The following TAF8 variants were observed in gnomAD, a reference collection of about 807,000 sequenced individuals.
The protein encoded by TAF8 is TATA-box binding protein associated factor 8.
Under a neutral mutation model 36.5 loss-of-function variants are expected in TAF8, and 47 were observed. The ratio of observed to expected loss-of-function variants is 1.29; its 90% CI spans 1.02 to 1.64. The LOEUF (loss-of-function observed/expected upper bound fraction) is 1.64. Among genes scored for constraint, TAF8 ranks in the 40% most tolerant of loss-of-function variants. TAF8 has a pLI of 0.00. For missense variants in TAF8, 420 were observed against 407.6 expected (o/e 1.03, Z -0.26); for synonymous variants, 175 against 159.5 (o/e 1.10, Z -0.73).
At chr6:42,066,848 C>T (rs1765383776) in intron 6 of TAF8, among the ~76,000 whole-genome samples, 1 of 152,172 alleles carries the variant, frequency 6.6e-6, no homozygotes, top group Non-Finnish European at 1.5e-5. Flanking sequence ...GCCATGTTGA[C>T]CAAGCTACTT....
chr6:42,054,238 C>T (rs186059689), intron 2 of TAF8, among the ~76,000 whole-genome samples: 5 of 152,252 alleles, frequency 3.3e-5, no homozygotes, highest in African/African-American at 7.2e-5. Context: ...AAGACTTTAA[C>T]GTGACTCTTA....
chr6:42,077,441 G>T, intron 8 of TAF8, 92 bp from the exon 9 acceptor site: 1 of 1,577,284 alleles, frequency 6.3e-7, no homozygotes, highest in East Asian at 2.3e-5. Flanking sequence ...GCAGTCTAGG[G>T]ACCAACCCTC....
At chr6:42,060,466 A>G (rs1051499608) in intron 5 of TAF8, among the ~76,000 whole-genome samples, 3 of 152,202 alleles carry the variant, frequency 2.0e-5, no homozygotes, top group African/African-American at 7.2e-5. Flanking sequence ...TCCATGAAGA[A>G]TCTCAGATAA....
At position 42,082,829 on chromosome 6, in the gene TAF8, A is replaced by G. The variant is rs1306010774; in HGVS notation, c.*5284A>G. 2 of 152,104 alleles carry G rather than the reference A, an allele frequency of 1.3e-5. No individual in the cohort carries two copies. The highest frequency in any genetic ancestry group is 4.8e-5 in the African/African-American group (2 of 41,414). 9.4% of individuals were successfully genotyped at this position (152,104 alleles called of 1,614,324 possible). On this transcript the variant is annotated 3_prime_UTR_variant, in exon 9 of 9. Coordinates refer to ENST00000372977, the MANE Select transcript of TAF8 (RefSeq NM_138572.3). ...AAAGTTCTTAATTCTGCGAACATCA[A>G]CTTCCTGTGCCCAGGTGCAAGTGCG...
rs1471468901 is a variant in TAF8, at chr6:42,052,316, A to AGC, written c.202+804_202+805dup. Among the ~76,000 whole-genome samples the AGC allele has an allele frequency of 1.4e-3, 188 of 129,948 alleles. 1 individual carries two copies. Among genetic ancestry groups the AGC allele is most frequent in the African/African-American group, 5.1e-3 (148 of 29,230 alleles). The allele number at this position is 129,948 out of a possible 152,430, so 85.3% of individuals were successfully genotyped here. A position where few individuals can be genotyped will look rare whatever the true frequency, so the allele number is the denominator to read the frequency against. On this transcript the variant is annotated intron_variant, in intron 2 of 8. Coordinates refer to ENST00000372977, the MANE Select transcript of TAF8 (RefSeq NM_138572.3). ...TGTGATACAAAGAATGAAGGGGAAA[A>AGC]GCCCCCCCCCCCTTTTTTTTTTTGA...
At chr6:42,087,058 G>A (rs1337201592), downstream of TAF8, 2 of 456,738 alleles carry the variant, frequency 4.4e-6, no homozygotes, top group African/African-American at 3.9e-5. Flanking sequence ...AGTGCACCAT[G>A]TCTTGTGGCC....
At position 42,075,074 on chromosome 6, in the gene TAF8, T is replaced by C. The variant is rs550248924; in HGVS notation, c.781-2026T>C. ...ACCTCCATGTGTATCTCAGAAAACA[T>C]TGAAGGCACGGTTGAAGTGAGCTTC... On this transcript the variant is annotated intron_variant, in intron 7 of 8. Transcript: ENST00000372977. Among the ~76,000 whole-genome samples, 624 of 152,270 alleles carry C rather than the reference T, an allele frequency of 4.1e-3. 6 individuals carry two copies. Among genetic ancestry groups the C allele is most frequent in the African/African-American group, 0.013 (559 of 41,552 alleles).
chr6:42,086,578 A>G, downstream of TAF8: 2 of 844,996 alleles, frequency 2.4e-6, no homozygotes, highest in Non-Finnish European at 3.9e-6. Context: ...GGAGAAACAA[A>G]CCTTTTAAAT....
intron 2 of TAF8, among the ~76,000 whole-genome samples, chr6:42,055,089 A>G (rs1295370288): frequency 6.6e-6 from 1 of 151,734 alleles, no homozygotes; most frequent in Non-Finnish European, 1.5e-5. Context: ...AGGCCTGGCT[A>G]ATTTTTGTAT....
At chr6:42,086,955 G>A, downstream of TAF8, 1 of 619,686 alleles carries the variant, frequency 1.6e-6, no homozygotes, top group Non-Finnish European at 2.9e-6. Flanking sequence ...CAACCCAGAG[G>A]ATGTAGACCC....
At chr6:42,074,170 C>G (rs879311168) in intron 7 of TAF8, among the ~76,000 whole-genome samples, 2 of 152,044 alleles carry the variant, frequency 1.3e-5, no homozygotes, top group Admixed American at 6.6e-5. Flanking sequence ...GTTTGTGACT[C>G]GAGCCATTAG....
Position 42,051,403 on chromosome 6 carries a change from T to G in TAF8, c.92T>G (p.Leu31Arg), listed in dbSNP as rs915130570. ...ACTAACCCTGCCGATAACTATCATC[T>G]GGCCCGGAGGAGAACCCTGCAGGTG... ...QSTNPADNYH[L>R]ARRRTLQVVV... is the part of the protein sequence containing the mutation. Residue 31 changes from leucine (L) to arginine (R), a missense_variant, in exon 2 of 9, where the codon CTG becomes CGG. Coordinates refer to ENST00000372977, the MANE Select transcript of TAF8 (RefSeq NM_138572.3). 1 of 1,614,052 alleles carries G rather than the reference T, an allele frequency of 6.2e-7. No homozygotes were observed. Among genetic ancestry groups the G allele is most frequent in the African/African-American group, 1.3e-5 (1 of 74,932 alleles).
downstream of TAF8, among the ~76,000 whole-genome samples, chr6:42,085,125 TA>T (rs1200345705): frequency 6.6e-6 from 1 of 152,218 alleles, no homozygotes; most frequent in Non-Finnish European, 1.5e-5. Context: ...CCTTTTTTTA[TA>T]CATGAATGGT....
chr6:42,072,405 CCT>C (rs1462571048), intron 7 of TAF8, among the ~76,000 whole-genome samples: 1 of 151,086 alleles, frequency 6.6e-6, no homozygotes, highest in Non-Finnish European at 1.5e-5. Context: ...CATCCTGTTC[CCT>C]GTTACCCACT....
intron 7 of TAF8, among the ~76,000 whole-genome samples, chr6:42,071,684 A>T (rs1765582956): frequency 6.6e-6 from 1 of 151,126 alleles, no homozygotes; most frequent in African/African-American, 2.4e-5. Context: ...GGGCTGGGAG[A>T]CCATGGCTTT....
chr6:42,056,017 A>C lies in TAF8; in HGVS notation c.364+3A>C, dbSNP rs778345888. On this transcript the variant is annotated splice_donor_region_variant and intron_variant, in intron 4 of 8. Coordinates refer to ENST00000372977, the MANE Select transcript of TAF8 (RefSeq NM_138572.3). Reference sequence around the variant, plus strand: ...TCAGAGGATGGTCATCACTGCTCGTAAGTGACTTTGAACTGAGGTACTTAG... The same window carrying C: ...TCAGAGGATGGTCATCACTGCTCGTCAGTGACTTTGAACTGAGGTACTTAG... 1.2e-6 allele frequency: 2 copies of C among 1,603,342 alleles called. No individual in the cohort carries two copies. Among genetic ancestry groups the C allele is most frequent in the African/African-American group, 2.7e-5 (2 of 74,714 alleles).
chr6:42,050,779 C>T lies in TAF8; in HGVS notation c.45+193C>T, dbSNP rs1323795647. On this transcript the variant is annotated intron_variant, in intron 1 of 8. Coordinates refer to ENST00000372977, the MANE Select transcript of TAF8 (RefSeq NM_138572.3). ...GCCTCCGGAGTTGGCGGACCTGTGT[C>T]TTGATTGGCTCGTTCGCTGTTGGGG... is the stretch of plus-strand genomic sequence containing the variant. 1.7e-5 allele frequency: 16 copies of T among 916,140 alleles called. No homozygotes were observed. The East Asian group carries it at 4.7e-4, about 27-fold the overall frequency. The allele number at this position is 916,140 out of a possible 1,614,324, so 56.8% of individuals were successfully genotyped here. A position where few individuals can be genotyped will look rare whatever the true frequency, so the allele number is the denominator to read the frequency against.
downstream of TAF8, among the ~76,000 whole-genome samples, chr6:42,085,761 G>T (rs1766015574): frequency 2.0e-5 from 3 of 152,172 alleles, no homozygotes; most frequent in Admixed American, 6.5e-5. Flanking sequence ...GAGGTGGGTG[G>T]ATCACTTGAG....
intron 5 of TAF8, among the ~76,000 whole-genome samples, chr6:42,061,749 T>C (rs998798438): frequency 2.6e-5 from 4 of 152,208 alleles, no homozygotes; most frequent in African/African-American, 9.7e-5. Flanking sequence ...TCCTGTATGA[T>C]TTTGTATCAG....
Sources: allele counts gnomAD v4.1 joint callset (sites outside exome capture counted in the v4.1 genomes callset), GRCh38; gene constraint gnomAD v4.1.1; transcripts MANE v1.5; gene names NCBI Gene and HGNC (gene_info 2026-07-23, HGNC 2026-07-21).